Variants in PPP1R14C observed in about 807,000 individuals in gnomAD.
The protein encoded by PPP1R14C is protein phosphatase 1 regulatory inhibitor subunit 14C, also known as protein phosphatase 1 regulatory subunit 14C.
A neutral mutation model predicts 20.4 loss-of-function variants in PPP1R14C; 16 were observed. That is an observed-to-expected ratio of 0.78 (90% CI 0.53 to 1.19). PPP1R14C has a LOEUF of 1.19. Ranked by LOEUF, PPP1R14C falls within the 50% of genes most tolerant of loss-of-function variation. PPP1R14C has a pLI of 0.00. For missense variants in PPP1R14C, 211 were observed against 220.1 expected, an observed-to-expected ratio of 0.96 and a Z score of 0.26; for synonymous variants, 91 against 91.0, an observed-to-expected ratio of 1.00 and a Z score of 0.00.
chr6:150,144,047 TC>T (rs1291219253), intron 1 of PPP1R14C, among the ~76,000 whole-genome samples: 5 of 152,240 alleles, frequency 3.3e-5, no homozygotes, highest in Non-Finnish European at 7.3e-5. Context: ...TGGAACGCTT[TC>T]CGCTTTCCAG....
chr6:150,157,432 T>C (rs963690163), intron 1 of PPP1R14C, among the ~76,000 whole-genome samples: 1 of 151,288 alleles, frequency 6.6e-6, no homozygotes, highest in African/African-American at 2.5e-5. Flanking sequence ...TGTCTCATTA[T>C]CTCATTTCAG....
chr6:150,245,504 T>A (rs539339313), intron 3 of PPP1R14C, among the ~76,000 whole-genome samples: 1 of 152,272 alleles, frequency 6.6e-6, no homozygotes, highest in Non-Finnish European at 1.5e-5. Flanking sequence ...TCCACTTCCT[T>A]GCTTATTTAT....
At chr6:150,233,141 G>A (rs554993769) in intron 3 of PPP1R14C, among the ~76,000 whole-genome samples, 1 of 152,308 alleles carries the variant, frequency 6.6e-6, no homozygotes, top group South Asian at 2.1e-4. Flanking sequence ...AGTCACTAGT[G>A]TGGCTGGTAA....
At chr6:150,151,994 C>CCT (rs1777253463) in intron 1 of PPP1R14C, among the ~76,000 whole-genome samples, 1 of 151,444 alleles carries the variant, frequency 6.6e-6, no homozygotes, top group Non-Finnish European at 1.5e-5. Context: ...GTGGCGGGCG[C>CCT]CTGTAGTCCC....
At chr6:150,157,944 A>G (rs1273019027) in intron 1 of PPP1R14C, among the ~76,000 whole-genome samples, 1 of 152,158 alleles carries the variant, frequency 6.6e-6, no homozygotes, top group East Asian at 1.9e-4. Context: ...CGATGGGGAC[A>G]CTCAAACCAT....
chr6:150,147,079 A>G (rs1777187455), intron 1 of PPP1R14C, among the ~76,000 whole-genome samples: 1 of 150,882 alleles, frequency 6.6e-6, no homozygotes, highest in Admixed American at 6.6e-5. Context: ...TAACCATTAG[A>G]CTAAATCTAC....
chr6:150,198,198 T>C (rs1229935217), intron 1 of PPP1R14C, among the ~76,000 whole-genome samples: 2 of 147,542 alleles, frequency 1.4e-5, no homozygotes, highest in African/African-American at 5.0e-5. Context: ...TGTGTGCCCC[T>C]GGCCGCCACG....
At chr6:150,227,868 G>T (rs575146358) in intron 3 of PPP1R14C, among the ~76,000 whole-genome samples, 1 of 152,308 alleles carries the variant, frequency 6.6e-6, no homozygotes, top group Non-Finnish European at 1.5e-5. Context: ...GGGTTTATTA[G>T]CCAGAAACAT....
intron 3 of PPP1R14C, among the ~76,000 whole-genome samples, chr6:150,230,127 G>A (rs1335164838): frequency 6.6e-6 from 1 of 152,088 alleles, no homozygotes; most frequent in East Asian, 1.9e-4. Flanking sequence ...TTGCCATTTG[G>A]AACAATTTGC....
At chr6:150,199,349 C>A (rs1201337048) in intron 1 of PPP1R14C, among the ~76,000 whole-genome samples, 2 of 152,146 alleles carry the variant, frequency 1.3e-5, no homozygotes, top group East Asian at 3.9e-4. Context: ...AGAGGTGGCC[C>A]TTTAAGAGGT....
In PPP1R14C at chr6:150,207,987, C is replaced by T. The variant is rs1243166920; in HGVS notation, c.307-6757C>T. ...GCAGAAAACTGGAAGGGCAGGCAAG[C>T]GCTTGAAAAAAGAGATGGGGCAAAG... On this transcript the variant is annotated intron_variant, in intron 1 of 3. Transcript: ENST00000361131. Among the ~76,000 whole-genome samples, 10 of 152,026 alleles carry T rather than the reference C, an allele frequency of 6.6e-5. No homozygotes were observed. In the East Asian group the frequency reaches 1.2e-3, roughly 18 times the overall value.
intron 1 of PPP1R14C, among the ~76,000 whole-genome samples, chr6:150,150,052 G>A (rs936178264): frequency 2.0e-5 from 3 of 152,174 alleles, no homozygotes; most frequent in Admixed American, 6.5e-5. Context: ...CAACATTTAA[G>A]CATTTGCTTG....
At position 150,209,590 on chromosome 6, in the gene PPP1R14C, TTG is replaced by T. The variant is rs1375096045; in HGVS notation, c.307-5144_307-5143del. Among the ~76,000 whole-genome samples the T allele has an allele frequency of 1.1e-4, 16 of 146,716 alleles. No homozygotes were observed. In the East Asian group the frequency reaches 3.1e-3, roughly 28 times the overall value. On this transcript the variant is annotated intron_variant, in intron 1 of 3. Coordinates refer to ENST00000361131, the MANE Select transcript of PPP1R14C (RefSeq NM_030949.3). ...TCTGTGTGTATGTTTGTGTATATATTTGTGTGTGTGTATGCATGTGAGTGGTG... is the reference window on the plus strand; with the variant it reads ...TCTGTGTGTATGTTTGTGTATATATTTGTGTGTGTATGCATGTGAGTGGTG...
chr6:150,237,962 CCTT>C (rs1031482257), intron 3 of PPP1R14C, among the ~76,000 whole-genome samples: 2 of 152,146 alleles, frequency 1.3e-5, no homozygotes, highest in African/African-American at 2.4e-5. Context: ...CTGTTTCTCT[CCTT>C]CTTGCATCAT....
chr6:150,213,346 A>AACACACACACACAC (rs3049230), intron 1 of PPP1R14C, among the ~76,000 whole-genome samples: 6 of 149,412 alleles, frequency 4.0e-5, no homozygotes, highest in African/African-American at 1.5e-4. Flanking sequence ...TTTGTGTTGT[A>AACACACACACACAC]ACACACACAC....
chr6:150,169,664 C>T (rs559702104), intron 1 of PPP1R14C, among the ~76,000 whole-genome samples: 19 of 152,222 alleles, frequency 1.2e-4, no homozygotes, highest in African/African-American at 3.6e-4. Context: ...CTGATGAAAT[C>T]GAACATGAAA....
chr6:150,161,348 C>T (rs1222783552), intron 1 of PPP1R14C, among the ~76,000 whole-genome samples: 1 of 151,974 alleles, frequency 6.6e-6, no homozygotes, highest in African/African-American at 2.4e-5. Context: ...CTTGTTGCTA[C>T]TGAAATGTAA....
intron 1 of PPP1R14C, among the ~76,000 whole-genome samples, chr6:150,166,098 G>A (rs913074824): frequency 3.3e-5 from 5 of 150,028 alleles, no homozygotes; most frequent in Admixed American, 6.6e-5. Flanking sequence ...TTTTTGAGAC[G>A]GAGTCTGAGT....
Position 150,249,351 on chromosome 6 carries a change from T to A in PPP1R14C, c.*531T>A. 3 of 399,034 alleles carry A rather than the reference T, an allele frequency of 7.5e-6. No individual in the cohort carries two copies. In the East Asian group the frequency reaches 1.1e-4, roughly 14 times the overall value. The allele number at this position is 399,034 out of a possible 1,614,324, so 24.7% of individuals were successfully genotyped here. On this transcript the variant is annotated 3_prime_UTR_variant, in exon 4 of 4. Transcript: ENST00000361131. ...CTTTAACTGGAGGTCCCAGCACATG[T>A]GTTTTCAAGAGGCCACTAGGCATTC... is the stretch of plus-strand genomic sequence containing the variant.
Sources: allele counts gnomAD v4.1 joint callset (sites outside exome capture counted in the v4.1 genomes callset), GRCh38; gene constraint gnomAD v4.1.1; transcripts MANE v1.5; gene names NCBI Gene and HGNC (gene_info 2026-07-23, HGNC 2026-07-21).